CFAP300: variants seen among roughly 807,000 people sequenced by gnomAD.
CFAP300 encodes the protein cilia- and flagella-associated protein 300.
In CFAP300, 32 loss-of-function variants were observed where a neutral mutation model predicts 33.0. The ratio of observed to expected loss-of-function variants is 0.97; its 90% CI spans 0.73 to 1.30. The LOEUF is 1.30. Among genes scored for constraint, CFAP300 ranks in the 50% most tolerant of loss-of-function variants. The pLI is 0.00. For missense variants in CFAP300, 356 were observed against 318.1 expected (o/e 1.12, Z -0.90); for synonymous variants, 102 against 106.8 (o/e 0.95, Z 0.28).
intron 3 of CFAP300, among the ~76,000 whole-genome samples, chr11:102,065,393 A>G (rs562439589): frequency 6.6e-6 from 1 of 152,152 alleles, no homozygotes; most frequent in Non-Finnish European, 1.5e-5. Flanking sequence ...GGCATGACCC[A>G]CCACACCAGC....
chr11:102,053,570 A>G (rs1464233211), intron 2 of CFAP300, among the ~76,000 whole-genome samples: 2 of 151,718 alleles, frequency 1.3e-5, no homozygotes, highest in Non-Finnish European at 2.9e-5. Context: ...AAACAAACAA[A>G]CAAACAAACA....
intron 3 of CFAP300, among the ~76,000 whole-genome samples, chr11:102,060,935 A>G (rs1440882016): frequency 6.6e-6 from 1 of 152,208 alleles, no homozygotes; most frequent in African/African-American, 2.4e-5. Context: ...ATATTTACCC[A>G]ACTCAAAATT....
chr11:102,055,722 G>A (rs1462478306), intron 2 of CFAP300, among the ~76,000 whole-genome samples: 1 of 144,832 alleles, frequency 6.9e-6, no homozygotes, highest in Non-Finnish European at 1.5e-5. Flanking sequence ...GCCCAGGCTG[G>A]AGTGCAGTGG....
intron 2 of CFAP300, among the ~76,000 whole-genome samples, chr11:102,057,690 A>G (rs1360118563): frequency 1.3e-5 from 2 of 152,232 alleles, no homozygotes; most frequent in Non-Finnish European, 2.9e-5. Context: ...ACCTAGGTTT[A>G]CAAACAGACT....
At chr11:102,081,418 A>G (rs1942471282) in intron 6 of CFAP300, 137 bp downstream of exon 6, 1 of 740,492 alleles carries the variant, frequency 1.4e-6, no homozygotes, top group Non-Finnish European at 2.2e-6. Context: ...TGTTAAAATT[A>G]AAAGTTGATA....
Position 102,052,249 on chromosome 11 carries a change from G to A in CFAP300, c.192+4353G>A, listed in dbSNP as rs17097395. Among the ~76,000 whole-genome samples, 257 of 152,072 alleles carry A rather than the reference G, an allele frequency of 1.7e-3. 1 individual carries two copies. Among genetic ancestry groups the A allele is most frequent in the African/African-American group, 5.7e-3 (237 of 41,464 alleles). On this transcript the variant is annotated intron_variant, in intron 2 of 6. Coordinates refer to ENST00000434758, the MANE Select transcript of CFAP300 (RefSeq NM_032930.3). ...GTAACTGTTAAGTTAATAACCTCCAGGAATAATTACTAAATCTGAATTAAA... is the reference window on the plus strand; with the variant it reads ...GTAACTGTTAAGTTAATAACCTCCAAGAATAATTACTAAATCTGAATTAAA...
intron 6 of CFAP300, among the ~76,000 whole-genome samples, chr11:102,081,963 T>C (rs1486392789): frequency 6.6e-6 from 1 of 151,808 alleles, no homozygotes; most frequent in Non-Finnish European, 1.5e-5. Flanking sequence ...TTCAGTATTA[T>C]ACAAAAGATA....
chr11:102,070,039 T>A (rs1942288740), intron 4 of CFAP300, among the ~76,000 whole-genome samples: 1 of 152,200 alleles, frequency 6.6e-6, no homozygotes, highest in Non-Finnish European at 1.5e-5. Flanking sequence ...ATGTGTTAAC[T>A]ATTCATTCCT....
intron 6 of CFAP300, among the ~76,000 whole-genome samples, chr11:102,082,520 A>T (rs1942489063): frequency 6.6e-6 from 1 of 152,214 alleles, no homozygotes; most frequent in African/African-American, 2.4e-5. Context: ...AAAGACAAAA[A>T]TTATGCATGT....
At chr11:102,081,631 C>T (rs893456850) in intron 6 of CFAP300, among the ~76,000 whole-genome samples, 3 of 152,168 alleles carry the variant, frequency 2.0e-5, no homozygotes, top group Non-Finnish European at 2.9e-5. Flanking sequence ...CCCGGTGGCT[C>T]ACGCCTGTAA....
intron 3 of CFAP300, among the ~76,000 whole-genome samples, chr11:102,059,774 A>G (rs1023406561): frequency 6.6e-6 from 1 of 151,980 alleles, no homozygotes; most frequent in South Asian, 2.1e-4. Context: ...GTACATGGGT[A>G]CATGGATTTC....
At chr11:102,073,558 G>C (rs1942347891) in intron 4 of CFAP300, among the ~76,000 whole-genome samples, 1 of 152,194 alleles carries the variant, frequency 6.6e-6, no homozygotes, top group African/African-American at 2.4e-5. Context: ...CCCTAGCAAA[G>C]TGCTCAGATG....
chr11:102,079,315 T>C (rs1942441941), intron 5 of CFAP300, among the ~76,000 whole-genome samples: 2 of 152,212 alleles, frequency 1.3e-5, no homozygotes. Context: ...GTATTTTATA[T>C]ATAGTGGTTA....
chr11:102,080,777 G>A (rs1942462344), intron 5 of CFAP300, among the ~76,000 whole-genome samples: 1 of 152,092 alleles, frequency 6.6e-6, no homozygotes, highest in South Asian at 2.1e-4. Flanking sequence ...ATTTACATAT[G>A]AGAAAATTGA....
intron 6 of CFAP300, 185 bp downstream of exon 6, chr11:102,081,466 T>C: frequency 1.7e-6 from 1 of 598,690 alleles, no homozygotes; most frequent in Non-Finnish European, 2.9e-6. Flanking sequence ...TGAACTTTTT[T>C]CCCTGGCTTC....
At chr11:102,060,026 C>T (rs547751370) in intron 3 of CFAP300, among the ~76,000 whole-genome samples, 85 of 152,162 alleles carry the variant, frequency 5.6e-4, no homozygotes, top group Middle Eastern at 3.4e-3. Context: ...GACTGGAGTG[C>T]AGTGGTGTGA....
intron 4 of CFAP300, among the ~76,000 whole-genome samples, chr11:102,072,025 CTT>C (rs781728070): frequency 1.1e-3 from 160 of 152,146 alleles, no homozygotes; most frequent in Non-Finnish European, 1.7e-3. Flanking sequence ...GTCTAAATCT[CTT>C]GTTAGAATTG....
rs1430473075 is a variant in CFAP300, at chr11:102,058,864, C to T, written c.193-16C>T. On this transcript the variant is annotated splice_polypyrimidine_tract_variant and intron_variant, in intron 2 of 6. Transcript: ENST00000434758. ...AATAAAATATCTAACTTATTCCCCT[C>T]AAATTTGTATTTTAGGCTTTTTTCA... The T allele has an allele frequency of 3.7e-5, 54 of 1,470,938 alleles. No individual in the cohort carries two copies. The highest frequency in any genetic ancestry group is 4.8e-5 in the Non-Finnish European group (52 of 1,074,548). The allele number at this position is 1,470,938 out of a possible 1,614,324, so 91.1% of individuals were successfully genotyped here.
intron 4 of CFAP300, among the ~76,000 whole-genome samples, chr11:102,067,495 A>G (rs1216768772): frequency 6.6e-6 from 1 of 152,270 alleles, no homozygotes; most frequent in Non-Finnish European, 1.5e-5. Context: ...ACTTGGAATT[A>G]AATTATATAG....
Sources: allele counts gnomAD v4.1 joint callset (sites outside exome capture counted in the v4.1 genomes callset), GRCh38; gene constraint gnomAD v4.1.1; transcripts MANE v1.5; gene names NCBI Gene and HGNC (gene_info 2026-07-23, HGNC 2026-07-21).